Variants in MAP3K19 observed in about 807,000 individuals in gnomAD.
MAP3K19 encodes SPS1/STE20-related protein kinase YSK4.
A neutral mutation model predicts 114.4 loss-of-function variants in MAP3K19; 91 were observed. That is an observed-to-expected ratio of 0.80 (90% CI 0.67 to 0.95). The LOEUF (loss-of-function observed/expected upper bound fraction) is 0.95, where lower values mean the gene tolerates loss of function less well. Ranked by LOEUF, MAP3K19 falls within the 40% of genes least tolerant of loss-of-function variation. The probability of loss-of-function intolerance (pLI) is 0.00; values close to 1 mark genes in which losing one functional copy is unlikely to be tolerated. For missense variants in MAP3K19, 1,471 were observed against 1,573.2 expected (o/e 0.94, Z 1.10); for synonymous variants, 518 against 530.5 (o/e 0.98, Z 0.32).
chr2:135,010,502 T>C (rs566606823), intron 5 of MAP3K19, among the ~76,000 whole-genome samples: 9 of 152,286 alleles, frequency 5.9e-5, no homozygotes, highest in Admixed American at 5.9e-4. Context: ...CATAAACCAT[T>C]GACAACACCA....
At chr2:134,969,289 C>G (rs1316275819) in intron 12 of MAP3K19, among the ~76,000 whole-genome samples, 1 of 151,996 alleles carries the variant, frequency 6.6e-6, no homozygotes, top group Admixed American at 6.5e-5. Context: ...TGCAGTGAGC[C>G]GAGATGGCAG....
chr2:134,981,791 A>G (rs1684672706), intron 11 of MAP3K19, among the ~76,000 whole-genome samples: 1 of 151,946 alleles, frequency 6.6e-6, no homozygotes, highest in Admixed American at 6.6e-5. Flanking sequence ...CCCCAGCTAT[A>G]TAACTTGGGA....
intron 5 of MAP3K19, among the ~76,000 whole-genome samples, chr2:135,019,159 AG>A (rs2105361530): frequency 6.6e-6 from 1 of 152,312 alleles, no homozygotes; most frequent in African/African-American, 2.4e-5. Context: ...TTTAGAAGAC[AG>A]CATAGGATAA....
chr2:135,007,522 CTTT>C (rs1471281272), intron 5 of MAP3K19, among the ~76,000 whole-genome samples: 1 of 151,946 alleles, frequency 6.6e-6, no homozygotes, highest in Non-Finnish European at 1.5e-5. Flanking sequence ...CTTACTCTTT[CTTT>C]TCCTTTTTTT....
intron 12 of MAP3K19, among the ~76,000 whole-genome samples, chr2:134,980,136 C>T (rs534316069): frequency 7.2e-5 from 11 of 152,328 alleles, no homozygotes; most frequent in African/African-American, 2.6e-4. Context: ...CCAGCACCCA[C>T]AGCCCTACTC....
chr2:134,969,348 G>GAGGGAGAGGGAGACCGT (rs1683697864), intron 12 of MAP3K19, among the ~76,000 whole-genome samples: 1 of 152,124 alleles, frequency 6.6e-6, no homozygotes, highest in African/African-American at 2.4e-5. Context: ...CGTGGAAAGA[G>GAGGGAGAGGGAGACCGT]AGGGAGAGGG....
Position 134,988,110 on chromosome 2 carries a change from T to C in MAP3K19, c.762A>G (p.Gln254=), listed in dbSNP as rs752223944. 2.5e-6 allele frequency: 4 copies of C among 1,614,136 alleles called. No individual in the cohort carries two copies. The highest frequency in any genetic ancestry group is 3.4e-6 in the Non-Finnish European group (4 of 1,180,008). The change falls in exon 10 of 13, where the codon CAA becomes CAG. Residue 254 remains glutamine (Q), a synonymous_variant. Coordinates refer to ENST00000392915, the MANE Select transcript of MAP3K19 (RefSeq NM_025052.5). ...FVPKLSVSVR[Q]SDELSPSNEP... is the part of the protein sequence containing the mutation. The stretch of plus-strand genomic sequence containing the variant: ...CGTTTGATGGGCTGAGCTCATCAGA[T>C]TGACGAACAGACACTGAGAGCTTAG...
At chr2:135,043,156 A>G (rs1333421870) in intron 1 of MAP3K19, among the ~76,000 whole-genome samples, 1 of 152,186 alleles carries the variant, frequency 6.6e-6, no homozygotes, top group African/African-American at 2.4e-5. Flanking sequence ...ATAGACAATG[A>G]AAAGGTCCAA....
intron 12 of MAP3K19, among the ~76,000 whole-genome samples, chr2:134,972,174 A>G (rs1365172608): frequency 1.3e-5 from 2 of 152,100 alleles, no homozygotes; most frequent in South Asian, 4.1e-4. Flanking sequence ...TGTTCTATCA[A>G]ATGGTAGGTC....
In MAP3K19 at chr2:134,980,997, T is replaced by C. The variant is rs1450757387; in HGVS notation, c.3744A>G (p.Ser1248=). Residue 1248 remains serine (S), a synonymous_variant, in exon 12 of 13, where the codon TCA becomes TCG. Transcript: ENST00000392915. The part of the protein sequence containing the change: ...VINESGYGRK[S]DIWSIGCTVF... ...CAGTACAACCAATGCTCCAGATATC[T>C]GATTTCCGTCCATAGCCAGACTCAT... is the stretch of plus-strand genomic sequence containing the variant. 1 of 1,614,228 alleles carries C rather than the reference T, an allele frequency of 6.2e-7. No homozygotes were observed. The highest frequency in any genetic ancestry group is 1.7e-5 in the Admixed American group (1 of 60,030).
At position 134,999,478 on chromosome 2, in the gene MAP3K19, G is replaced by A. The variant is rs553937234; in HGVS notation, c.314+459C>T. The stretch of plus-strand genomic sequence containing the variant: ...TAAGCCTCAATTTGTTTCACTACCC[G>A]ATCAATGAACGTAAGTTATTTGCCA... On this transcript the variant is annotated intron_variant, in intron 7 of 12. Transcript: ENST00000392915. The surrounding 1 kb of genome is among the most constrained non-coding windows in gnomAD (Gnocchi z 4.1). 2.1e-4 allele frequency among the ~76,000 whole-genome samples: 32 copies of A among 152,206 alleles called. No homozygotes were observed. The highest frequency in any genetic ancestry group is 3.4e-3 in the Middle Eastern group (1 of 294).
At chr2:134,972,890 C>A (rs1683973337) in intron 12 of MAP3K19, among the ~76,000 whole-genome samples, 2 of 152,106 alleles carry the variant, frequency 1.3e-5, no homozygotes, top group Admixed American at 1.3e-4. Context: ...TTTCTTGCCC[C>A]AGTAGCCATT....
rs1317526446 is a variant in MAP3K19, at chr2:134,987,183, G to C, written c.1689C>G (p.Thr563=). The C allele has an allele frequency of 6.2e-7, 1 of 1,614,154 alleles. No homozygotes were observed. The highest frequency in any genetic ancestry group is 1.1e-5 in the South Asian group (1 of 91,084). Residue 563 remains threonine (T), a synonymous_variant, in exon 10 of 13, where the codon ACC becomes ACG. Coordinates refer to ENST00000392915, the MANE Select transcript of MAP3K19 (RefSeq NM_025052.5). ...VISTEGPIKP[T]MHKTSIKTQI... ...GTGTTTTTATGCTGGTTTTATGCAT[G>C]GTAGGCTTAATGGGACCTTCAGTAG... is the stretch of plus-strand genomic sequence containing the variant.
chr2:134,981,187 C>T lies in MAP3K19; in HGVS notation c.3554G>A (p.Arg1185His), dbSNP rs145092752. The change falls in exon 12 of 13, where the codon CGC becomes CAC. Residue 1185 changes from arginine (R) to histidine (H), a missense_variant. Arg to His is a conservative substitution (Grantham distance 29, BLOSUM62 0). Coordinates refer to ENST00000392915, the MANE Select transcript of MAP3K19 (RefSeq NM_025052.5). ...AYLHENCVVH[R>H]DIKGNNVMLM... ...CATAACATTATTTCCTTTGATATCGCGATGTACCACACAGTTCTCATGGAG... is the reference window on the plus strand; with the variant it reads ...CATAACATTATTTCCTTTGATATCGTGATGTACCACACAGTTCTCATGGAG... 561 of 1,614,012 alleles carry T rather than the reference C, an allele frequency of 3.5e-4. 3 individuals are homozygous for T. The African/African-American group carries it at 6.1e-3, about 18-fold the overall frequency.
rs986225294 is a variant in MAP3K19, at chr2:134,978,035, T to C, written c.3920+2786A>G. Among the ~76,000 whole-genome samples the C allele has an allele frequency of 2.6e-5, 4 of 152,272 alleles. No individual in the cohort carries two copies. In the South Asian group the frequency reaches 8.3e-4, roughly 32 times the overall value. ...CTGTCCTCTTGTTTCTTCTTACACC[T>C]TGGGGCAACTCCCTTCCCTTCCTCC... On this transcript the variant is annotated intron_variant, in intron 12 of 12. Transcript: ENST00000392915.
intron 12 of MAP3K19, among the ~76,000 whole-genome samples, chr2:134,979,938 TG>T (rs1684513974): frequency 6.6e-6 from 1 of 152,128 alleles, no homozygotes; most frequent in African/African-American, 2.4e-5. Context: ...CCCTGGGAGT[TG>T]GGGGTTGCCA....
chr2:134,988,102 TCATCAGATTGA>T lies in MAP3K19; in HGVS notation c.759_769del (p.Gln254AlafsTer13). On this transcript the variant is annotated frameshift_variant, in exon 10 of 13. Coordinates refer to ENST00000392915, the MANE Select transcript of MAP3K19 (RefSeq NM_025052.5). LOFTEE classifies it high-confidence loss of function. Reference sequence around the variant, plus strand: ...CGGAGGCTCGTTTGATGGGCTGAGCTCATCAGATTGACGAACAGACACTGAGAGCTTAGGCA... The same window carrying T: ...CGGAGGCTCGTTTGATGGGCTGAGCTCGAACAGACACTGAGAGCTTAGGCA... 6.2e-7 allele frequency: 1 copy of T among 1,614,114 alleles called. No homozygotes were observed.
At chr2:135,021,691 GT>G in intron 5 of MAP3K19, 23 bp downstream of exon 5, 2 of 1,401,948 alleles carry the variant, frequency 1.4e-6, no homozygotes, top group Non-Finnish European at 2.0e-6. Flanking sequence ...GCTGTCCGTT[GT>G]TTCTTTAAAG....
chr2:134,985,065 A>G (rs947638405), intron 10 of MAP3K19, among the ~76,000 whole-genome samples: 4 of 152,234 alleles, frequency 2.6e-5, no homozygotes, highest in Non-Finnish European at 4.4e-5. Flanking sequence ...TTAAAATTTC[A>G]GTTTGGGAGG....
Sources: gnomAD v4.1 joint callset for allele counts (sites outside exome capture counted in the v4.1 genomes callset) on GRCh38, gnomAD v4.1.1 for gene constraint, Gnocchi (gnomAD v3.1) non-coding constraint, MANE v1.5 for transcripts, NCBI Gene and HGNC (gene_info 2026-07-23, HGNC 2026-07-21) for gene names.